The following ABLIM3 variants were observed in gnomAD, a reference collection of about 807,000 sequenced individuals.
The protein encoded by ABLIM3 is actin binding LIM protein family member 3.
In ABLIM3, 61 loss-of-function variants were observed where a neutral mutation model predicts 109.5. The ratio of observed to expected loss-of-function variants is 0.56; its 90% CI spans 0.45 to 0.69. ABLIM3 has a LOEUF of 0.69. Ranked by LOEUF, ABLIM3 falls within the 30% of genes least tolerant of loss-of-function variation. The probability of loss-of-function intolerance (pLI) is 0.00; values close to 1 mark genes in which losing one functional copy is unlikely to be tolerated. For synonymous variants in ABLIM3, 300 were observed against 324.8 expected, an observed-to-expected ratio of 0.92 and a Z score of 0.82; for missense variants, 796 against 889.5, an observed-to-expected ratio of 0.89 and a Z score of 1.34.
chr5:149,249,206 A>G (rs1753703885), intron 18 of ABLIM3, among the ~76,000 whole-genome samples: 1 of 152,190 alleles, frequency 6.6e-6, no homozygotes, highest in Non-Finnish European at 1.5e-5. Context: ...TCCCCATACT[A>G]CACCTTGACT....
In ABLIM3 at chr5:149,251,726, T is replaced by C. The variant is rs568726062; in HGVS notation, c.1849+307T>C. 4.1e-4 allele frequency among the ~76,000 whole-genome samples: 63 copies of C among 152,276 alleles called. 1 individual carries two copies. The highest frequency in any genetic ancestry group is 1.7e-3 in the Admixed American group (26 of 15,296). On this transcript the variant is annotated intron_variant, in intron 21 of 23. Coordinates refer to ENST00000309868, the MANE Select transcript of ABLIM3 (RefSeq NM_014945.5). ...ACCGAGGGTTGCCTGCCAGCCCCAG[T>C]GGAGGGAAGCACTCAGAGCCAATTG...
intron 2 of ABLIM3, among the ~76,000 whole-genome samples, chr5:149,159,044 A>G (rs1268186243): frequency 6.6e-6 from 1 of 152,228 alleles, no homozygotes; most frequent in African/African-American, 2.4e-5. Context: ...GTGAACGATA[A>G]AAACATATAT....
Position 149,252,329 on chromosome 5 carries a change from G to C in ABLIM3, c.1857+121G>C, listed in dbSNP as rs1185963780. 3.4e-6 allele frequency: 4 copies of C among 1,179,124 alleles called. No individual in the cohort carries two copies. The South Asian group carries it at 6.6e-5, about 19-fold the overall frequency. The allele number at this position is 1,179,124 out of a possible 1,614,324, so 73.0% of individuals were successfully genotyped here. Reference sequence around the variant, plus strand: ...AGGGAACATAGATAAATAACCCCAGGGGTCCTTTCAAGACCAACATTTCCT... The same window carrying C: ...AGGGAACATAGATAAATAACCCCAGCGGTCCTTTCAAGACCAACATTTCCT... On this transcript the variant is annotated intron_variant, in intron 22 of 23. Transcript: ENST00000309868.
intron 3 of ABLIM3, among the ~76,000 whole-genome samples, chr5:149,195,592 G>T (rs186971532): frequency 6.6e-6 from 1 of 152,268 alleles, no homozygotes; most frequent in East Asian, 1.9e-4. Context: ...GGTGGCTCTG[G>T]GGGTGGAGTT....
intron 8 of ABLIM3, among the ~76,000 whole-genome samples, chr5:149,226,566 C>T (rs1462355220): frequency 6.6e-6 from 1 of 152,154 alleles, no homozygotes; most frequent in African/African-American, 2.4e-5. Flanking sequence ...CCAATGCCCA[C>T]GTCAAGGAGT....
intron 8 of ABLIM3, among the ~76,000 whole-genome samples, chr5:149,222,753 G>A (rs1336325738): frequency 2.0e-5 from 3 of 146,702 alleles, no homozygotes; most frequent in Non-Finnish European, 4.5e-5. Context: ...TTGTAACTCA[G>A]AAAAGGTGCA....
At chr5:149,145,205 A>T (rs1297587461) in intron 2 of ABLIM3, among the ~76,000 whole-genome samples, 2 of 152,108 alleles carry the variant, frequency 1.3e-5, no homozygotes, top group Non-Finnish European at 2.9e-5. Flanking sequence ...ATGAGTACTT[A>T]ATGTTTAGCT....
chr5:149,149,162 A>G (rs530605539), intron 2 of ABLIM3, among the ~76,000 whole-genome samples: 1 of 152,344 alleles, frequency 6.6e-6, no homozygotes, highest in South Asian at 2.1e-4. Flanking sequence ...GCTTTGGGGT[A>G]TGGATTCTCG....
intron 2 of ABLIM3, among the ~76,000 whole-genome samples, chr5:149,148,399 C>T (rs1307242985): frequency 6.6e-6 from 1 of 152,140 alleles, no homozygotes; most frequent in Non-Finnish European, 1.5e-5. Flanking sequence ...TCAGTACACT[C>T]GCTTCGCTGA....
intron 3 of ABLIM3, among the ~76,000 whole-genome samples, chr5:149,192,250 T>C (rs546935297): frequency 1.3e-4 from 19 of 151,964 alleles, no homozygotes; most frequent in Non-Finnish European, 2.5e-4. Context: ...GATTATATAA[T>C]TGTCTGCATA....
chr5:149,159,559 A>G (rs914777634), intron 2 of ABLIM3, among the ~76,000 whole-genome samples: 1 of 152,196 alleles, frequency 6.6e-6, no homozygotes, highest in Non-Finnish European at 1.5e-5. Context: ...TAAACAGAGT[A>G]TGTGTGTATA....
At chr5:149,255,325 G>T (rs1209111837) in intron 23 of ABLIM3, among the ~76,000 whole-genome samples, 1 of 152,198 alleles carries the variant, frequency 6.6e-6, no homozygotes, top group Non-Finnish European at 1.5e-5. Context: ...ACGGTTCGAG[G>T]TGCTTGCAAT....
At chr5:149,180,139 G>T (rs1459985114) in intron 2 of ABLIM3, among the ~76,000 whole-genome samples, 1 of 152,206 alleles carries the variant, frequency 6.6e-6, no homozygotes, top group Non-Finnish European at 1.5e-5. Context: ...TCAAGGGTAG[G>T]CAGTTTCTAA....
In ABLIM3 at chr5:149,239,282, T is replaced by C; in HGVS notation, c.1074+5T>C. On this transcript the variant is annotated splice_donor_5th_base_variant and intron_variant, in intron 12 of 23. Coordinates refer to ENST00000309868, the MANE Select transcript of ABLIM3 (RefSeq NM_014945.5). ...ACATTATCTCCCTACTCCCAGGTAA[T>C]TCAGCTGATAGAGAATTAAGTTGAT... The C allele has an allele frequency of 6.2e-7, 1 of 1,613,810 alleles. No homozygotes were observed. The highest frequency in any genetic ancestry group is 1.1e-5 in the South Asian group (1 of 91,066).
chr5:149,247,967 C>A (rs1336529496), intron 18 of ABLIM3, 38 bp downstream of exon 18: 2 of 1,597,978 alleles, frequency 1.3e-6, no homozygotes, highest in Non-Finnish European at 1.7e-6. Context: ...GGCGGGGACA[C>A]CTTTCTCTGT....
At chr5:149,258,170 C>G (rs35345919) in intron 23 of ABLIM3, 121 bp from the exon 24 acceptor site, 303,707 of 736,468 alleles carry the variant, frequency 0.41, 66,569 homozygotes, top group East Asian at 0.53. Flanking sequence ...CCATGCAAGG[C>G]ACAGGGTGCC....
intron 18 of ABLIM3, among the ~76,000 whole-genome samples, 189 bp downstream of exon 18, chr5:149,248,118 A>G (rs919157948): frequency 1.3e-5 from 2 of 152,226 alleles, no homozygotes; most frequent in Non-Finnish European, 2.9e-5. Flanking sequence ...AATGGAGCTT[A>G]CTTCATCAGC....
At chr5:149,222,994 C>T (rs1271587262) in intron 8 of ABLIM3, among the ~76,000 whole-genome samples, 2 of 152,148 alleles carry the variant, frequency 1.3e-5, no homozygotes, top group Non-Finnish European at 2.9e-5. Flanking sequence ...TTTCCCCAAT[C>T]CTACTACCTA....
At chr5:149,180,850 T>C (rs1561558944) in intron 2 of ABLIM3, among the ~76,000 whole-genome samples, 1 of 152,198 alleles carries the variant, frequency 6.6e-6, no homozygotes, top group Non-Finnish European at 1.5e-5. Context: ...TCCCCTCACT[T>C]TGATTTTACA....
Sources: gnomAD v4.1 joint callset for allele counts (sites outside exome capture counted in the v4.1 genomes callset) on GRCh38, gnomAD v4.1.1 for gene constraint, MANE v1.5 for transcripts, NCBI Gene and HGNC (gene_info 2026-07-23, HGNC 2026-07-21) for gene names.